DCBLD2: variants seen among roughly 807,000 people sequenced by gnomAD.
DCBLD2 encodes discoidin, CUB and LCCL domain containing 2, also known as discoidin, CUB and LCCL domain-containing protein 2.
A neutral mutation model predicts 86.8 loss-of-function variants in DCBLD2; 54 were observed. The observed-to-expected ratio is 0.62, with a 90% CI of 0.50 to 0.78. The LOEUF (loss-of-function observed/expected upper bound fraction) is 0.78. Ranked by LOEUF, DCBLD2 falls within the 30% of genes least tolerant of loss-of-function variation. The pLI is 0.00. For missense variants in DCBLD2, 908 were observed against 954.2 expected, an observed-to-expected ratio of 0.95 and a Z score of 0.64; for synonymous variants, 354 against 341.3, an observed-to-expected ratio of 1.04 and a Z score of -0.41.
intron 2 of DCBLD2, among the ~76,000 whole-genome samples, chr3:98,880,278 A>T (rs1943442306): frequency 6.6e-6 from 1 of 152,244 alleles, no homozygotes; most frequent in Non-Finnish European, 1.5e-5. Context: ...GGATGAACAT[A>T]GTATGGTATT....
chr3:98,850,209 G>A (rs1942808739), intron 2 of DCBLD2, among the ~76,000 whole-genome samples: 1 of 152,140 alleles, frequency 6.6e-6, no homozygotes, highest in Non-Finnish European at 1.5e-5. Context: ...ATCCTTTAAT[G>A]TCTATCACAG....
At chr3:98,839,995 C>T (rs569457476) in intron 3 of DCBLD2, among the ~76,000 whole-genome samples, 103 of 152,210 alleles carry the variant, frequency 6.8e-4, no homozygotes, top group Non-Finnish European at 9.4e-4. Flanking sequence ...AGGAAATGTG[C>T]TCAGCATGTT....
intron 3 of DCBLD2, among the ~76,000 whole-genome samples, chr3:98,846,757 C>T (rs1033242632): frequency 2.0e-5 from 3 of 152,218 alleles, no homozygotes; most frequent in Admixed American, 2.0e-4. Flanking sequence ...TTGTAAGCTA[C>T]ACAACATACT....
chr3:98,829,866 G>A (rs922151519), intron 3 of DCBLD2, among the ~76,000 whole-genome samples: 11 of 152,070 alleles, frequency 7.2e-5, no homozygotes, highest in South Asian at 2.1e-4. Flanking sequence ...CACCAACAGC[G>A]TTTAAGTGTT....
chr3:98,856,718 G>C (rs372881153), intron 2 of DCBLD2, among the ~76,000 whole-genome samples: 7 of 151,804 alleles, frequency 4.6e-5, no homozygotes, highest in East Asian at 3.9e-4. Context: ...AATGAGAGTT[G>C]GTTGACCTCA....
chr3:98,839,153 T>TTCTTTCTTTCTTTC (rs1942565202), intron 3 of DCBLD2, among the ~76,000 whole-genome samples: 1 of 109,444 alleles, frequency 9.1e-6, no homozygotes. Flanking sequence ...CCTTCTTTCT[T>TTCTTTCTTTCTTTC]TCTTTCTTTC....
chr3:98,856,066 C>G (rs534860529), intron 2 of DCBLD2, among the ~76,000 whole-genome samples: 1 of 152,266 alleles, frequency 6.6e-6, no homozygotes, highest in East Asian at 1.9e-4. Flanking sequence ...CCAAGCATCA[C>G]AGATGAGACA....
intron 2 of DCBLD2, among the ~76,000 whole-genome samples, chr3:98,860,598 C>T (rs1021926335): frequency 1.3e-5 from 2 of 152,124 alleles, no homozygotes; most frequent in Non-Finnish European, 2.9e-5. Context: ...GAATTTTCAA[C>T]CCGGAATTTC....
At chr3:98,817,642 A>C in intron 9 of DCBLD2, 127 bp downstream of exon 9, 1 of 869,722 alleles carries the variant, frequency 1.1e-6, no homozygotes. Context: ...CACTACCTAA[A>C]ATAACCACAA....
chr3:98,878,296 A>T (rs572486385), intron 2 of DCBLD2, among the ~76,000 whole-genome samples: 1 of 152,308 alleles, frequency 6.6e-6, no homozygotes, highest in Non-Finnish European at 1.5e-5. Flanking sequence ...GATATGATAC[A>T]CTGAGAACAG....
In DCBLD2 at chr3:98,859,629, C is replaced by G. The variant is rs535695460; in HGVS notation, c.434-10031G>C. Among the ~76,000 whole-genome samples, 45 of 152,296 alleles carry G rather than the reference C, an allele frequency of 3.0e-4. 1 individual carries two copies. The highest frequency in any genetic ancestry group is 1.4e-3 in the East Asian group (7 of 5,172). On this transcript the variant is annotated intron_variant, in intron 2 of 15. Transcript: ENST00000326840. ...CAGGCAAACAGGGTCTGGAGTGGAC[C>G]TCCAGAAAACTCCAACAGACCTCAG...
rs1168718458 is a variant in DCBLD2, at chr3:98,797,922, A to C, written c.*1450T>G. The C allele has an allele frequency of 6.6e-6, 1 of 152,220 alleles. No homozygotes were observed. The highest frequency in any genetic ancestry group is 1.5e-5 in the Non-Finnish European group (1 of 68,024). 9.4% of individuals were successfully genotyped at this position (152,220 alleles called of 1,614,324 possible). A position where few individuals can be genotyped will look rare whatever the true frequency, so the allele number is the denominator to read the frequency against. On this transcript the variant is annotated 3_prime_UTR_variant, in exon 16 of 16. Transcript: ENST00000326840. ...CAAACAAAGGTTTATGGAAGAGGGA[A>C]TGTCAAATTTATGTATTTTTATCAT...
chr3:98,885,509 C>G (rs1943546178), intron 1 of DCBLD2, among the ~76,000 whole-genome samples: 1 of 151,800 alleles, frequency 6.6e-6, no homozygotes, highest in Non-Finnish European at 1.5e-5. Flanking sequence ...TATTTCATGA[C>G]CCCCTAATGT....
At chr3:98,855,090 A>C (rs973288386) in intron 2 of DCBLD2, among the ~76,000 whole-genome samples, 5 of 152,216 alleles carry the variant, frequency 3.3e-5, no homozygotes, top group African/African-American at 1.2e-4. Flanking sequence ...TACATTTACT[A>C]CATCTAAAAA....
intron 2 of DCBLD2, among the ~76,000 whole-genome samples, chr3:98,850,471 A>G (rs946736126): frequency 6.6e-6 from 1 of 152,236 alleles, no homozygotes; most frequent in Non-Finnish European, 1.5e-5. Flanking sequence ...GGTCTATCAG[A>G]TATATAAAAA....
intron 2 of DCBLD2, among the ~76,000 whole-genome samples, chr3:98,877,706 T>C (rs756589325): frequency 5.3e-5 from 8 of 152,300 alleles, no homozygotes; most frequent in Middle Eastern, 3.4e-3. Flanking sequence ...TGATTTCTAA[T>C]ACCATTCTCC....
chr3:98,807,215 A>G (rs923046062), intron 13 of DCBLD2, among the ~76,000 whole-genome samples: 1 of 152,172 alleles, frequency 6.6e-6, no homozygotes, highest in Admixed American at 6.6e-5. Context: ...CCTACATTCC[A>G]TATCTCTGTG....
intron 2 of DCBLD2, among the ~76,000 whole-genome samples, chr3:98,851,706 C>T (rs1348161094): frequency 1.3e-5 from 2 of 152,216 alleles, no homozygotes; most frequent in African/African-American, 4.8e-5. Context: ...GTAACCCAAA[C>T]AGCACGGTAC....
At chr3:98,897,703 A>C (rs768266131) in intron 1 of DCBLD2, among the ~76,000 whole-genome samples, 1 of 152,150 alleles carries the variant, frequency 6.6e-6, no homozygotes, top group Non-Finnish European at 1.5e-5. Flanking sequence ...CACAGATTAA[A>C]TTAGCAAAGA....
Sources: gnomAD v4.1 joint callset for allele counts (sites outside exome capture counted in the v4.1 genomes callset) on GRCh38, gnomAD v4.1.1 for gene constraint, MANE v1.5 for transcripts, NCBI Gene and HGNC (gene_info 2026-07-23, HGNC 2026-07-21) for gene names.